TMEM165: variants seen among roughly 807,000 people sequenced by gnomAD.
TMEM165 encodes putative divalent cation/proton antiporter TMEM165.
In TMEM165, 19 loss-of-function variants were observed where a neutral mutation model predicts 30.0. The ratio of observed to expected loss-of-function variants is 0.63; its 90% CI spans 0.44 to 0.93. The LOEUF is 0.93. TMEM165 is among the 40% of genes least tolerant of loss of function. The probability of loss-of-function intolerance (pLI) is 0.00; values close to 1 mark genes in which losing one functional copy is unlikely to be tolerated. For synonymous variants in TMEM165, 168 were observed against 162.9 expected (o/e 1.03, Z -0.24); for missense variants, 340 against 417.0 (o/e 0.82, Z 1.61).
rs1423047880 is a variant in TMEM165 at position 55,426,162 on chromosome 4, T to C, written c.*710T>C. On this transcript the variant is annotated 3_prime_UTR_variant, in exon 6 of 6. Coordinates refer to ENST00000381334, the MANE Select transcript of TMEM165 (RefSeq NM_018475.5). The stretch of plus-strand genomic sequence containing the variant: ...ACATAGATAACAATATAAATAAAAG[T>C]GGTATGACCAGTGCTTGTTTTTCCT... 1 of 152,216 alleles carries C rather than the reference T, an allele frequency of 6.6e-6. No homozygotes were observed. 9.4% of individuals were successfully genotyped at this position (152,216 alleles called of 1,614,324 possible). A position where few individuals can be genotyped will look rare whatever the true frequency, so the allele number is the denominator to read the frequency against.
chr4:55,438,234 A>G, intron 3 of TMEM165: 2 of 1,585,074 alleles, frequency 1.3e-6, no homozygotes, highest in Non-Finnish European at 1.7e-6. Context: ...TAATTTCATT[A>G]CATGAAAGTA....
At chr4:55,434,921 T>A (rs1722762662) in intron 3 of TMEM165, 1 of 181,058 alleles carries the variant, frequency 5.5e-6, no homozygotes, top group South Asian at 1.3e-4. Context: ...TAATTACTGT[T>A]CCATCATTAT....
chr4:55,447,860 C>T (rs745606266), intron 3 of TMEM165, among the ~76,000 whole-genome samples: 5 of 152,044 alleles, frequency 3.3e-5, no homozygotes, highest in Non-Finnish European at 7.4e-5. Context: ...CCAAACAAAA[C>T]AGAAAAGTTG....
chr4:55,416,886 A>G (rs1721752468), intron 2 of TMEM165, 186 bp from the exon 3 acceptor site: 1 of 516,014 alleles, frequency 1.9e-6, no homozygotes, highest in East Asian at 3.5e-5. Context: ...GGCCTGGGCT[A>G]GACCTAATGG....
At chr4:55,403,188 C>T (rs1721105184) in intron 1 of TMEM165, 2 of 1,119,880 alleles carry the variant, frequency 1.8e-6, no homozygotes, top group South Asian at 1.3e-5. Context: ...ATAATCTCAC[C>T]TCTTGTTTGA....
downstream of TMEM165, chr4:55,428,205 C>G (rs1722315874): frequency 6.6e-6 from 1 of 152,162 alleles, no homozygotes. Flanking sequence ...AAGCTATGCA[C>G]ATCATAACCT....
chr4:55,433,815 G>A (rs1028676375), intron 3 of TMEM165: 2 of 152,096 alleles, frequency 1.3e-5, no homozygotes, highest in African/African-American at 4.8e-5. Flanking sequence ...CTTAGTTCAC[G>A]TTTAGAAGGC....
exon 4 of TMEM165, chr4:55,452,613 A>C (rs990810669): frequency 5.4e-6 from 1 of 183,760 alleles, no homozygotes; most frequent in East Asian, 1.5e-4. Flanking sequence ...TATACTTCTG[A>C]CCTGATATAA....
At chr4:55,438,779 A>G (rs182899035) in intron 3 of TMEM165, among the ~76,000 whole-genome samples, 42 of 152,346 alleles carry the variant, frequency 2.8e-4, no homozygotes, top group Admixed American at 1.8e-3. Flanking sequence ...GGATATCCAC[A>G]TTCAAAAGAA....
downstream of TMEM165, chr4:55,429,121 C>A (rs1722360940): frequency 6.6e-6 from 1 of 152,008 alleles, no homozygotes; most frequent in South Asian, 2.1e-4. Flanking sequence ...AGTGAACTTG[C>A]ACTAGTCCAA....
intron 3 of TMEM165, among the ~76,000 whole-genome samples, chr4:55,439,127 A>T (rs937751756): frequency 1.3e-5 from 2 of 152,192 alleles, no homozygotes; most frequent in African/African-American, 4.8e-5. Context: ...CTGATAAGGG[A>T]TTAGTAACCA....
chr4:55,448,601 C>CGCGTGT lies in TMEM165; in HGVS notation c.409-3637_409-3636insCGTGTG, dbSNP rs764071880. On this transcript the variant is annotated intron_variant, in intron 3 of 3. Transcript: ENST00000608091. ...ATATATGTGCGCGCGCGCACGCGCG[C>CGCGTGT]GTGTGTGTGTGTGTGTGTGTGTGTG... 1.3e-3 allele frequency among the ~76,000 whole-genome samples: 157 copies of CGCGTGT among 117,018 alleles called. 1 individual carries two copies. The highest frequency in any genetic ancestry group is 5.2e-3 in the South Asian group (18 of 3,454). The allele number at this position is 117,018 out of a possible 152,430, so 76.8% of individuals were successfully genotyped here. A position where few individuals can be genotyped will look rare whatever the true frequency, so the allele number is the denominator to read the frequency against.
At chr4:55,442,346 A>C in intron 3 of TMEM165, 1 of 1,207,488 alleles carries the variant, frequency 8.3e-7, no homozygotes, top group South Asian at 1.3e-5. Context: ...AAATCACATT[A>C]AAAAATTTGA....
intron 1 of TMEM165, 42 bp from the exon 2 acceptor site, chr4:55,411,572 T>C (rs1721498419): frequency 6.6e-7 from 1 of 1,513,666 alleles, no homozygotes; most frequent in Non-Finnish European, 9.0e-7. Flanking sequence ...TAAAATAATT[T>C]TGAATAATGA....
chr4:55,435,280 A>T, intron 3 of TMEM165: 1 of 1,053,756 alleles, frequency 9.5e-7, no homozygotes. Context: ...CTGCCAACTA[A>T]TTCCAGGAAC....
chr4:55,442,550 T>TATA, intron 3 of TMEM165: 2 of 1,611,534 alleles, frequency 1.2e-6, no homozygotes, highest in Non-Finnish European at 1.7e-6. Flanking sequence ...ACCATAGTGT[T>TATA]ATACAGTGGG....
rs1449657693 is a variant in TMEM165 at position 55,426,028 on chromosome 4, T to G, written c.*576T>G. On this transcript the variant is annotated 3_prime_UTR_variant, in exon 6 of 6. Coordinates refer to ENST00000381334, the MANE Select transcript of TMEM165 (RefSeq NM_018475.5). ...TCTTCCTCTTTTTTTTTTAATTGGG[T>G]AGGACACCCAATATAAAAACAGTCA... The G allele has an allele frequency of 2.6e-5, 4 of 151,968 alleles. No homozygotes were observed. The highest frequency in any genetic ancestry group is 4.4e-5 in the Non-Finnish European group (3 of 67,988). 9.4% of individuals were successfully genotyped at this position (151,968 alleles called of 1,614,324 possible).
chr4:55,449,510 A>T, intron 3 of TMEM165: 1 of 1,589,254 alleles, frequency 6.3e-7, no homozygotes, highest in South Asian at 1.1e-5. Context: ...AAGTCAACAA[A>T]ATCAGAAGAG....
chr4:55,423,438 A>T (rs185589906), intron 4 of TMEM165: 4 of 151,878 alleles, frequency 2.6e-5, no homozygotes, highest in African/African-American at 9.7e-5. Context: ...ACTAGACTTT[A>T]AAAAATTTTT....
Sources: gnomAD v4.1 joint callset for allele counts (sites outside exome capture counted in the v4.1 genomes callset) on GRCh38, gnomAD v4.1.1 for gene constraint, MANE v1.5 for transcripts, NCBI Gene and HGNC (gene_info 2026-07-23, HGNC 2026-07-21) for gene names.